Variants in SUPT3H observed in about 807,000 individuals in gnomAD.
SUPT3H encodes the protein transcription initiation protein SPT3 homolog.
Under a neutral mutation model 44.3 loss-of-function variants are expected in SUPT3H, and 44 were observed. The ratio of observed to expected loss-of-function variants is 0.99; its 90% CI spans 0.78 to 1.28. SUPT3H has a LOEUF of 1.28. Among genes scored for constraint, SUPT3H ranks in the 50% most tolerant of loss-of-function variants. The pLI is 0.00. For synonymous variants in SUPT3H, 124 were observed against 125.6 expected, an observed-to-expected ratio of 0.99 and a Z score of 0.09; for missense variants, 380 against 387.1, an observed-to-expected ratio of 0.98 and a Z score of 0.15.
chr6:44,947,993 G>T (rs2153471209), intron 9 of SUPT3H, among the ~76,000 whole-genome samples: 1 of 152,268 alleles, frequency 6.6e-6, no homozygotes, highest in Admixed American at 6.5e-5. Context: ...GTAAGGAAGG[G>T]ATCCAGTTTC....
chr6:45,284,039 A>C (rs1778709531), intron 2 of SUPT3H, among the ~76,000 whole-genome samples: 1 of 152,226 alleles, frequency 6.6e-6, no homozygotes, highest in African/African-American at 2.4e-5. Context: ...TGTTCTTTGA[A>C]ACCAACGAGA....
chr6:45,300,177 C>T (rs937368066), intron 2 of SUPT3H, among the ~76,000 whole-genome samples: 1 of 152,160 alleles, frequency 6.6e-6, no homozygotes, highest in African/African-American at 2.4e-5. Flanking sequence ...TTAATCACAA[C>T]TGAATTTTAT....
intron 2 of SUPT3H, among the ~76,000 whole-genome samples, chr6:45,169,712 C>T (rs1482478334): frequency 2.6e-5 from 4 of 152,050 alleles, no homozygotes; most frequent in East Asian, 3.9e-4. Flanking sequence ...TGATGAGCAA[C>T]GTTAATAAAT....
At chr6:44,954,030 G>A (rs766531582) in intron 8 of SUPT3H, among the ~76,000 whole-genome samples, 8 of 152,104 alleles carry the variant, frequency 5.3e-5, no homozygotes, top group Non-Finnish European at 8.8e-5. Context: ...GAGCCACCGC[G>A]CCTGGCCAGA....
chr6:44,966,539 T>C (rs1253300649), intron 6 of SUPT3H, among the ~76,000 whole-genome samples: 3 of 151,986 alleles, frequency 2.0e-5, no homozygotes, highest in South Asian at 4.1e-4. Context: ...AGGAAAACTT[T>C]AAAAGCATAC....
chr6:45,129,532 ATT>A (rs1562516596), intron 2 of SUPT3H, among the ~76,000 whole-genome samples: 3 of 152,222 alleles, frequency 2.0e-5, no homozygotes, highest in Non-Finnish European at 4.4e-5. Flanking sequence ...AAGATCATTT[ATT>A]GAAAGTTCAC....
At chr6:45,102,985 A>G (rs1798801190) in intron 3 of SUPT3H, among the ~76,000 whole-genome samples, 1 of 152,254 alleles carries the variant, frequency 6.6e-6, no homozygotes, top group South Asian at 2.1e-4. Context: ...TACAGGAAAA[A>G]ACTGATCTTA....
chr6:45,230,405 T>C lies in SUPT3H; in HGVS notation c.102-124399A>G, dbSNP rs114382706. 8.7e-3 allele frequency among the ~76,000 whole-genome samples: 1,319 copies of C among 152,036 alleles called. 3 individuals are homozygous for C. Among genetic ancestry groups the C allele is most frequent in the Non-Finnish European group, 0.014 (977 of 67,948 alleles). The stretch of plus-strand genomic sequence containing the variant: ...AATATTTTTGCTTTATGAACCTGCA[T>C]GCCCCAGTGTGGGGGGGGCTTATGT... On this transcript the variant is annotated intron_variant, in intron 2 of 10. Transcript: ENST00000371459.
At chr6:44,970,773 A>C (rs561199345) in intron 6 of SUPT3H, among the ~76,000 whole-genome samples, 1 of 152,312 alleles carries the variant, frequency 6.6e-6, no homozygotes, top group South Asian at 2.1e-4. Context: ...CATTTTGGGT[A>C]AAACTTTAGA....
At position 45,256,032 on chromosome 6, in the gene SUPT3H, G is replaced by C. The variant is rs537294308; in HGVS notation, c.101+109169C>G. ...TAAAGATACAAAAAATTAACCGGGC[G>C]TGGTTGCGGGTGCCTGTAGTTCCAG... is the stretch of plus-strand genomic sequence containing the variant. On this transcript the variant is annotated intron_variant, in intron 2 of 10. Transcript: ENST00000371459. Among the ~76,000 whole-genome samples, 4 of 152,178 alleles carry C rather than the reference G, an allele frequency of 2.6e-5. No individual in the cohort carries two copies. In the South Asian group the frequency reaches 6.2e-4, roughly 24 times the overall value.
At chr6:45,074,004 G>A (rs1292452986) in intron 3 of SUPT3H, among the ~76,000 whole-genome samples, 1 of 151,922 alleles carries the variant, frequency 6.6e-6, no homozygotes, top group Non-Finnish European at 1.5e-5. Context: ...AAACCTGCAA[G>A]GGTTCAGAAA....
At chr6:45,231,650 G>A (rs1055557221) in intron 2 of SUPT3H, among the ~76,000 whole-genome samples, 1 of 152,142 alleles carries the variant, frequency 6.6e-6, no homozygotes, top group Non-Finnish European at 1.5e-5. Flanking sequence ...GCTAGACTTA[G>A]GAAGTTTTAA....
intron 2 of SUPT3H, among the ~76,000 whole-genome samples, chr6:45,345,314 T>C (rs1371037106): frequency 6.6e-6 from 1 of 152,208 alleles, no homozygotes; most frequent in East Asian, 1.9e-4. Flanking sequence ...GTAAAACTTT[T>C]GCCCCATCTC....
intron 6 of SUPT3H, among the ~76,000 whole-genome samples, chr6:44,970,386 G>T (rs868650111): frequency 6.6e-6 from 1 of 152,074 alleles, no homozygotes; most frequent in Non-Finnish European, 1.5e-5. Context: ...CTGTCAAGTT[G>T]TAAATCCCAG....
chr6:44,844,519 TG>T (rs1771544644), intron 10 of SUPT3H, among the ~76,000 whole-genome samples: 1 of 151,908 alleles, frequency 6.6e-6, no homozygotes, highest in Non-Finnish European at 1.5e-5. Flanking sequence ...AGAAACCAAA[TG>T]CGGTACACCC....
chr6:44,901,546 A>T (rs1186573728), intron 10 of SUPT3H, among the ~76,000 whole-genome samples: 2 of 152,192 alleles, frequency 1.3e-5, no homozygotes, highest in East Asian at 3.9e-4. Context: ...TCTACGTCTG[A>T]TTGGTGTACC....
chr6:45,062,159 G>C (rs7763450), intron 3 of SUPT3H, among the ~76,000 whole-genome samples: 54,534 of 151,366 alleles, frequency 0.36, 10,575 homozygotes, highest in Non-Finnish European at 0.43. Flanking sequence ...GCCTCTTTTA[G>C]GTGAATTATT....
At chr6:44,850,145 C>T (rs112299647) in intron 10 of SUPT3H, among the ~76,000 whole-genome samples, 1 of 152,092 alleles carries the variant, frequency 6.6e-6, no homozygotes, top group South Asian at 2.1e-4. Flanking sequence ...AAAGAATCAA[C>T]AATTTTAAAA....
chr6:44,811,490 A>T (rs183955648), intron 11 of SUPT3H, among the ~76,000 whole-genome samples: 1 of 152,240 alleles, frequency 6.6e-6, no homozygotes, highest in African/African-American at 2.4e-5. Context: ...CAACTTGGTG[A>T]AACTTAAACT....
Sources: gnomAD v4.1 joint callset for allele counts (sites outside exome capture counted in the v4.1 genomes callset) on GRCh38, gnomAD v4.1.1 for gene constraint, MANE v1.5 for transcripts, NCBI Gene and HGNC (gene_info 2026-07-23, HGNC 2026-07-21) for gene names.